The following PNPT1 variants were observed in gnomAD, a reference collection of about 807,000 sequenced individuals.
PNPT1 encodes the protein polyribonucleotide nucleotidyltransferase 1.
Under a neutral mutation model 119.5 loss-of-function variants are expected in PNPT1, and 53 were observed. The ratio of observed to expected loss-of-function variants is 0.44; its 90% confidence interval spans 0.36 to 0.56. The LOEUF (loss-of-function observed/expected upper bound fraction) is 0.56. Among genes scored for constraint, PNPT1 ranks in the 20% least tolerant of loss-of-function variants. PNPT1 has a pLI of 0.00. For missense variants in PNPT1, 948 were observed against 938.5 expected, an observed-to-expected ratio of 1.01 and a Z score of -0.13; for synonymous variants, 357 against 322.1, an observed-to-expected ratio of 1.11 and a Z score of -1.16.
At chr2:55,664,794 T>A (rs2104100991) in intron 13 of PNPT1, among the ~76,000 whole-genome samples, 1 of 152,224 alleles carries the variant, frequency 6.6e-6, no homozygotes, top group East Asian at 1.9e-4. Context: ...TTTTAAAAAC[T>A]TGACTAAAGA....
chr2:55,692,648 C>G (rs1483290867), intron 1 of PNPT1, among the ~76,000 whole-genome samples: 1 of 151,946 alleles, frequency 6.6e-6, no homozygotes, highest in Non-Finnish European at 1.5e-5. Context: ...CTTTTTTGAG[C>G]CTCTGTAGTC....
chr2:55,670,767 T>C (rs1160418900), intron 11 of PNPT1, among the ~76,000 whole-genome samples: 3 of 152,196 alleles, frequency 2.0e-5, no homozygotes, highest in African/African-American at 7.2e-5. Context: ...ATTTCTTGTA[T>C]GGTAGGAGTT....
rs374767362 is a variant in PNPT1, at chr2:55,656,138, C to T, written c.1434G>A (p.Glu478=). Residue 478 remains glutamate, a synonymous_variant, in exon 17 of 28, where the codon GAG becomes GAA. Coordinates refer to ENST00000447944, the MANE Select transcript of PNPT1 (RefSeq NM_033109.5). ...AGTATTTCAATACCATACCATTTGA[C>T]TCTAGGACTTCAGATGTAACTCTTA... ...FTIRVTSEVL[E]SNGSSSMASA... is the part of the protein sequence containing the mutation. 14 of 1,612,770 alleles carry T rather than the reference C, an allele frequency of 8.7e-6. No homozygotes were observed. Among genetic ancestry groups the T allele is most frequent in the Admixed American group, 1.7e-5 (1 of 59,900 alleles).
At chr2:55,644,770 A>C (rs181985128) in intron 22 of PNPT1, 50 bp from the exon 23 acceptor site, 194 of 1,324,290 alleles carry the variant, frequency 1.5e-4, no homozygotes, top group Admixed American at 5.4e-4. Context: ...ACATACATGA[A>C]CCTAAAACAT....
intron 5 of PNPT1, among the ~76,000 whole-genome samples, chr2:55,682,066 C>T (rs1384687072): frequency 1.3e-5 from 2 of 152,002 alleles, no homozygotes; most frequent in East Asian, 3.9e-4. Flanking sequence ...TGGTGTGAAC[C>T]TGGGAGGCGG....
At chr2:55,673,976 G>C (rs1696990593) in intron 8 of PNPT1, among the ~76,000 whole-genome samples, 3 of 152,136 alleles carry the variant, frequency 2.0e-5, no homozygotes, top group Non-Finnish European at 4.4e-5. Context: ...ACCCGCCTCA[G>C]CCTCCTAAAG....
intron 15 of PNPT1, among the ~76,000 whole-genome samples, chr2:55,657,195 GGC>G: frequency 6.6e-6 from 1 of 151,968 alleles, no homozygotes; most frequent in Middle Eastern, 3.4e-3. Context: ...AGGGCGTGGT[GGC>G]GCATGCCTGT....
intron 18 of PNPT1, among the ~76,000 whole-genome samples, chr2:55,653,679 A>T (rs1696282931): frequency 6.6e-6 from 1 of 152,222 alleles, no homozygotes; most frequent in South Asian, 2.1e-4. Context: ...TAAATATCAG[A>T]TTATGTTTTC....
At chr2:55,651,228 G>C (rs533589561) in intron 18 of PNPT1, among the ~76,000 whole-genome samples, 274 of 151,914 alleles carry the variant, frequency 1.8e-3, no homozygotes, top group African/African-American at 5.9e-3. Context: ...CCCCTACTGG[G>C]AAGTGAGGAG....
At chr2:55,676,262 CAAAA>C (rs11400030) in intron 8 of PNPT1, among the ~76,000 whole-genome samples, 4 of 82,850 alleles carry the variant, frequency 4.8e-5, no homozygotes, top group African/African-American at 1.0e-4. Context: ...CCATCTCAAC[CAAAA>C]AAAAAAAAAA....
intron 8 of PNPT1, among the ~76,000 whole-genome samples, chr2:55,677,033 T>C (rs527967171): frequency 9.9e-5 from 15 of 152,226 alleles, no homozygotes; most frequent in Non-Finnish European, 1.6e-4. Flanking sequence ...GCATATTTGA[T>C]GCATCTTTAT....
At chr2:55,659,313 T>C (rs1369004287) in intron 15 of PNPT1, among the ~76,000 whole-genome samples, 1 of 152,218 alleles carries the variant, frequency 6.6e-6, no homozygotes, top group Non-Finnish European at 1.5e-5. Flanking sequence ...GTCTGGTCCC[T>C]TAGGATTTGT....
intron 8 of PNPT1, among the ~76,000 whole-genome samples, chr2:55,677,107 G>C (rs940710790): frequency 2.0e-5 from 3 of 152,274 alleles, no homozygotes; most frequent in African/African-American, 7.2e-5. Flanking sequence ...ATAAAATGGA[G>C]GCTGGTAATT....
intron 18 of PNPT1, among the ~76,000 whole-genome samples, chr2:55,651,848 T>A (rs1572804636): frequency 1.1e-5 from 1 of 94,760 alleles, no homozygotes; most frequent in Non-Finnish European, 2.2e-5. Flanking sequence ...TAGAAACAAC[T>A]AGGAAATAAA....
At chr2:55,663,008 G>C (rs1293310478) in intron 13 of PNPT1, among the ~76,000 whole-genome samples, 2 of 151,778 alleles carry the variant, frequency 1.3e-5, no homozygotes, top group Non-Finnish European at 2.9e-5. Context: ...AGCCTCCTGA[G>C]TAAGTAGCTG....
intron 11 of PNPT1, among the ~76,000 whole-genome samples, chr2:55,670,772 G>A (rs144926387): frequency 7.9e-4 from 120 of 152,236 alleles, no homozygotes; most frequent in Middle Eastern, 3.4e-3. Flanking sequence ...TTGTATGGTA[G>A]GAGTTTGATT....
chr2:55,674,316 G>A (rs1229596731), intron 8 of PNPT1, among the ~76,000 whole-genome samples: 2 of 152,132 alleles, frequency 1.3e-5, no homozygotes, highest in Non-Finnish European at 2.9e-5. Flanking sequence ...TATAGAGGCT[G>A]AGCGTGGTGG....
chr2:55,650,749 G>A (rs997616487), intron 18 of PNPT1, among the ~76,000 whole-genome samples: 8 of 148,800 alleles, frequency 5.4e-5, no homozygotes, highest in Non-Finnish European at 8.9e-5. Context: ...CCCTCCGCCC[G>A]GCAACCGCCC....
chr2:55,661,273 A>G (rs1270061089), intron 14 of PNPT1, among the ~76,000 whole-genome samples: 4 of 151,560 alleles, frequency 2.6e-5, no homozygotes, highest in African/African-American at 4.9e-5. Flanking sequence ...TTGCATTTTC[A>G]GTAGGGACGG....
Sources: gnomAD v4.1 joint callset for allele counts (sites outside exome capture counted in the v4.1 genomes callset) on GRCh38, gnomAD v4.1.1 for gene constraint, MANE v1.5 for transcripts, NCBI Gene and HGNC (gene_info 2026-07-23, HGNC 2026-07-21) for gene names.